The following DDX10 variants were observed in gnomAD, a reference collection of about 807,000 sequenced individuals.
The protein encoded by DDX10 is DEAD-box helicase 10.
DDX10 carries 74 observed loss-of-function variants against 104.3 expected under a neutral mutation model. The ratio of observed to expected loss-of-function variants is 0.71; its 90% CI spans 0.59 to 0.86. DDX10 has a LOEUF of 0.86. Among genes scored for constraint, DDX10 ranks in the 40% least tolerant of loss-of-function variants. DDX10 has a pLI of 0.00. For missense variants in DDX10, 952 were observed against 1,040.0 expected (o/e 0.92, Z 1.16); for synonymous variants, 351 against 353.4 (o/e 0.99, Z 0.08).
chr11:108,811,103 A>C (rs533616875), intron 13 of DDX10, among the ~76,000 whole-genome samples: 2 of 152,132 alleles, frequency 1.3e-5, no homozygotes, highest in Non-Finnish European at 2.9e-5. Flanking sequence ...ATAGCTGGCC[A>C]CTTGATACAC....
intron 7 of DDX10, among the ~76,000 whole-genome samples, chr11:108,691,613 G>A (rs192135154): frequency 1.6e-4 from 24 of 152,288 alleles, no homozygotes; most frequent in Non-Finnish European, 2.9e-4. Flanking sequence ...TAGAAAATGA[G>A]TTATGATAAC....
chr11:108,799,429 C>G (rs984225249), intron 13 of DDX10, among the ~76,000 whole-genome samples: 1 of 152,244 alleles, frequency 6.6e-6, no homozygotes, highest in African/African-American at 2.4e-5. Context: ...TTCTTTGTAT[C>G]GAGTGGAATT....
intron 13 of DDX10, among the ~76,000 whole-genome samples, chr11:108,787,270 TC>T (rs1312790129): frequency 6.6e-6 from 1 of 152,220 alleles, no homozygotes; most frequent in African/African-American, 2.4e-5. Flanking sequence ...TAGCTGCCTT[TC>T]AGGTTTTTTT....
At chr11:108,928,935 A>G (rs1863942253) in intron 17 of DDX10, among the ~76,000 whole-genome samples, 1 of 152,232 alleles carries the variant, frequency 6.6e-6, no homozygotes, top group Admixed American at 6.5e-5. Flanking sequence ...ACTAGGCCCT[A>G]TATTCAAAAC....
intron 17 of DDX10, among the ~76,000 whole-genome samples, chr11:108,926,074 A>G (rs1335755328): frequency 6.6e-6 from 1 of 152,188 alleles, no homozygotes; most frequent in African/African-American, 2.4e-5. Flanking sequence ...GGAGCACAAA[A>G]TGTTCTACAT....
chr11:108,721,052 A>G (rs927700486), intron 12 of DDX10, among the ~76,000 whole-genome samples: 4 of 152,098 alleles, frequency 2.6e-5, no homozygotes, highest in African/African-American at 9.7e-5. Context: ...TTCCCAGACT[A>G]TGGTGAAATA....
intron 13 of DDX10, among the ~76,000 whole-genome samples, chr11:108,737,440 G>A (rs2094319752): frequency 6.6e-6 from 1 of 152,168 alleles, no homozygotes; most frequent in African/African-American, 2.4e-5. Flanking sequence ...CAGAGAATCT[G>A]CTGGTTTTTA....
At chr11:108,721,488 A>C (rs1461788370) in intron 12 of DDX10, among the ~76,000 whole-genome samples, 1 of 152,202 alleles carries the variant, frequency 6.6e-6, no homozygotes, top group Non-Finnish European at 1.5e-5. Context: ...GGTCTTTAAC[A>C]CTGTAGGCCA....
chr11:108,810,810 T>C (rs78922744), intron 13 of DDX10, among the ~76,000 whole-genome samples: 3,523 of 152,238 alleles, frequency 0.023, 130 homozygotes, highest in African/African-American at 0.08. Context: ...GTTATAACCT[T>C]AGAGAGAGTT....
chr11:108,853,427 A>G (rs1022607131), intron 16 of DDX10, among the ~76,000 whole-genome samples: 4 of 152,220 alleles, frequency 2.6e-5, no homozygotes, highest in Admixed American at 6.5e-5. Flanking sequence ...GATATAATCT[A>G]GAGCCAAAGA....
At position 108,851,327 on chromosome 11, in the gene DDX10, T is replaced by G. The variant is rs546862849; in HGVS notation, c.2248-826T>G. Among the ~76,000 whole-genome samples the G allele has an allele frequency of 2.0e-5, 3 of 152,292 alleles. No homozygotes were observed. In the South Asian group the frequency reaches 6.2e-4, roughly 32 times the overall value. On this transcript the variant is annotated intron_variant, in intron 15 of 17. Coordinates refer to ENST00000322536, the MANE Select transcript of DDX10 (RefSeq NM_004398.4). ...TTATGATCAGTTATATCATATTTTT[T>G]CTTTAATCTTGTTTTGCTTCTTTCA...
At chr11:108,710,450 CTT>C (rs777107714) in intron 10 of DDX10, among the ~76,000 whole-genome samples, 2 of 145,950 alleles carry the variant, frequency 1.4e-5, no homozygotes, top group African/African-American at 5.0e-5. Flanking sequence ...TCCCTTAAAA[CTT>C]TTTTTTTTTT....
At chr11:108,873,016 CTG>C (rs1182899576) in intron 16 of DDX10, among the ~76,000 whole-genome samples, 1 of 152,150 alleles carries the variant, frequency 6.6e-6, no homozygotes. Context: ...GGAATAAAAT[CTG>C]TGAGTGTTTA....
chr11:108,756,118 C>G (rs2094344156), intron 13 of DDX10, among the ~76,000 whole-genome samples: 1 of 151,976 alleles, frequency 6.6e-6, no homozygotes, highest in African/African-American at 2.4e-5. Context: ...AGTGCTGCTA[C>G]AGTTGTCTTT....
At chr11:108,864,158 A>G in intron 16 of DDX10, among the ~76,000 whole-genome samples, 1 of 152,194 alleles carries the variant, frequency 6.6e-6, no homozygotes, top group East Asian at 1.9e-4. Context: ...ATGATTAATT[A>G]GCATTAGTAT....
chr11:108,666,120 G>A (rs1371437867), intron 1 of DDX10, among the ~76,000 whole-genome samples: 1 of 152,040 alleles, frequency 6.6e-6, no homozygotes, highest in Non-Finnish European at 1.5e-5. Flanking sequence ...ATGTTTGTTG[G>A]TCTTCACCCA....
chr11:108,797,875 A>C (rs1220001715), intron 13 of DDX10, among the ~76,000 whole-genome samples: 1 of 152,210 alleles, frequency 6.6e-6, no homozygotes, highest in Non-Finnish European at 1.5e-5. Context: ...CACCTTGTAC[A>C]GTTTGTTGCC....
intron 10 of DDX10, among the ~76,000 whole-genome samples, chr11:108,715,405 C>T (rs192937203): frequency 1.1e-3 from 170 of 152,328 alleles, no homozygotes; most frequent in African/African-American, 4.0e-3. Context: ...GCCTGTAGTC[C>T]TAGCTACTTG....
chr11:108,797,918 A>G (rs1232692794), intron 13 of DDX10, among the ~76,000 whole-genome samples: 1 of 152,200 alleles, frequency 6.6e-6, no homozygotes, highest in East Asian at 1.9e-4. Flanking sequence ...TTCCTCAGTA[A>G]TGATCCCAAG....
Sources: allele counts gnomAD v4.1 joint callset (sites outside exome capture counted in the v4.1 genomes callset), GRCh38; gene constraint gnomAD v4.1.1; transcripts MANE v1.5; gene names NCBI Gene and HGNC (gene_info 2026-07-23, HGNC 2026-07-21).